The following AGBL3 variants were observed in gnomAD, a reference collection of about 807,000 sequenced individuals.
AGBL3 encodes AGBL carboxypeptidase 3, also known as cytosolic carboxypeptidase 3.
A neutral mutation model predicts 94.5 loss-of-function variants in AGBL3; 68 were observed. The ratio of observed to expected loss-of-function variants is 0.72; its 90% CI spans 0.59 to 0.88. The LOEUF is 0.88. Ranked by LOEUF, AGBL3 falls within the 40% of genes least tolerant of loss-of-function variation. AGBL3 has a pLI of 0.00. For missense variants in AGBL3, 934 were observed against 1,103.8 expected, an observed-to-expected ratio of 0.85 and a Z score of 2.18; for synonymous variants, 354 against 370.7, an observed-to-expected ratio of 0.95 and a Z score of 0.52.
At chr7:135,119,196 A>T (rs1826759398) in intron 16 of AGBL3, among the ~76,000 whole-genome samples, 1 of 152,018 alleles carries the variant, frequency 6.6e-6, no homozygotes, top group African/African-American at 2.4e-5. Flanking sequence ...AATAGGATAC[A>T]CCCAAAGAAA....
chr7:135,094,816 G>A (rs2116945806), intron 15 of AGBL3, among the ~76,000 whole-genome samples: 1 of 152,248 alleles, frequency 6.6e-6, no homozygotes, highest in South Asian at 2.1e-4. Flanking sequence ...TACATAAGTT[G>A]TTTGTCAGAT....
intron 15 of AGBL3, among the ~76,000 whole-genome samples, chr7:135,106,011 T>C (rs575476827): frequency 6.6e-6 from 1 of 152,274 alleles, no homozygotes; most frequent in African/African-American, 2.4e-5. Flanking sequence ...ATGAATGGGA[T>C]TGTGTTCCTG....
intron 11 of AGBL3, 151 bp from the exon 12 acceptor site, chr7:135,059,018 A>G: frequency 3.4e-6 from 2 of 592,986 alleles, no homozygotes; most frequent in Non-Finnish European, 5.8e-6. Flanking sequence ...TGGCCTCCCA[A>G]AGTACTCGGA....
At chr7:135,112,596 A>G (rs1825796637) in intron 15 of AGBL3, among the ~76,000 whole-genome samples, 1 of 152,112 alleles carries the variant, frequency 6.6e-6, no homozygotes, top group East Asian at 1.9e-4. Flanking sequence ...AAGTATGGCT[A>G]TAAGTATATG....
chr7:135,084,193 C>T (rs1821149227), intron 15 of AGBL3, among the ~76,000 whole-genome samples: 2 of 151,854 alleles, frequency 1.3e-5, no homozygotes, highest in East Asian at 1.9e-4. Flanking sequence ...GTCTATAACT[C>T]GAAATTTTTT....
intron 12 of AGBL3, among the ~76,000 whole-genome samples, chr7:135,076,013 G>A (rs762176902): frequency 1.3e-5 from 2 of 152,148 alleles, no homozygotes; most frequent in Non-Finnish European, 2.9e-5. Flanking sequence ...AAAAGGTTTT[G>A]GTCTCTTTAG....
chr7:135,113,643 CA>C (rs1825936910), intron 15 of AGBL3, among the ~76,000 whole-genome samples: 2 of 152,178 alleles, frequency 1.3e-5, no homozygotes, highest in South Asian at 4.1e-4. Flanking sequence ...ACCCACTTCC[CA>C]AGTATGTAGA....
intron 15 of AGBL3, among the ~76,000 whole-genome samples, chr7:135,096,580 GATAC>G (rs1341683132): frequency 2.5e-4 from 8 of 32,304 alleles, no homozygotes; most frequent in Admixed American, 7.0e-4. Context: ...TAGATAGATA[GATAC>G]ATAGATAGAT....
chr7:135,007,057 T>C (rs1812479671), intron 4 of AGBL3, among the ~76,000 whole-genome samples: 1 of 151,172 alleles, frequency 6.6e-6, no homozygotes, highest in Admixed American at 6.6e-5. Context: ...CTACAGAGAG[T>C]CGCTTAAACC....
intron 15 of AGBL3, among the ~76,000 whole-genome samples, chr7:135,110,720 G>A (rs1423454664): frequency 3.3e-5 from 5 of 152,144 alleles, no homozygotes; most frequent in Admixed American, 2.6e-4. Flanking sequence ...AAGGTGTTGT[G>A]TTCACTCACT....
rs1340270806 is a variant in AGBL3, at chr7:135,134,973, G to T, written c.2475G>T (p.Arg825Ser). ...SSEWVQSKPH[R>S]SLESLSPLKG... is the part of the protein sequence containing the mutation. ...AATGGGTCCAGTCTAAGCCCCACAG[G>T]TCATTGGAAAGTTTATCACCTCTCA... Residue 825 changes from arginine (R) to serine (S), a missense_variant, in exon 17 of 17, where the codon AGG becomes AGT. By Grantham distance (110) the Arg-to-Ser change is moderately radical. Transcript: ENST00000436302. 21 of 1,551,056 alleles carry T rather than the reference G, an allele frequency of 1.4e-5. No homozygotes were observed. The highest frequency in any genetic ancestry group is 1.7e-5 in the Non-Finnish European group (19 of 1,146,674).
At chr7:135,101,192 A>C in intron 15 of AGBL3, 1 of 456,254 alleles carries the variant, frequency 2.2e-6, no homozygotes, top group South Asian at 1.5e-5. Flanking sequence ...ATTTGTATGG[A>C]AACTGTTTCA....
Position 135,079,380 on chromosome 7 carries a change from T to C in AGBL3, c.1981-823T>C, listed in dbSNP as rs529381673. On this transcript the variant is annotated intron_variant, in intron 13 of 16. Transcript: ENST00000436302. The stretch of plus-strand genomic sequence containing the variant: ...TTTTCATACTGATTTTGCCCATTTT[T>C]TTGCTGCCAATCAATTATATATATG... 7.9e-5 allele frequency among the ~76,000 whole-genome samples: 12 copies of C among 152,322 alleles called. No individual in the cohort carries two copies. The South Asian group carries it at 2.1e-3, about 26-fold the overall frequency.
chr7:134,989,186 A>C, intron 2 of AGBL3, 64 bp from the exon 3 acceptor site: 1 of 1,237,912 alleles, frequency 8.1e-7, no homozygotes, highest in East Asian at 2.6e-5. Flanking sequence ...ATAGATGTAA[A>C]AAAATTCTGG....
intron 13 of AGBL3, among the ~76,000 whole-genome samples, chr7:135,076,780 A>G (rs1820490444): frequency 7.8e-6 from 1 of 127,412 alleles, no homozygotes; most frequent in Non-Finnish European, 1.8e-5. Context: ...CTGGGAATAT[A>G]AGGGTATAAA....
At chr7:135,041,138 G>T (rs1355711184) in intron 8 of AGBL3, among the ~76,000 whole-genome samples, 1 of 151,402 alleles carries the variant, frequency 6.6e-6, no homozygotes, top group Admixed American at 6.6e-5. Context: ...CCAAAGAAAT[G>T]GAGACAACGT....
At chr7:135,013,904 C>T (rs563037490) in intron 4 of AGBL3, among the ~76,000 whole-genome samples, 1 of 151,942 alleles carries the variant, frequency 6.6e-6, no homozygotes, top group East Asian at 1.9e-4. Flanking sequence ...AGATAAAAAC[C>T]AAAATGTTGG....
intron 11 of AGBL3, among the ~76,000 whole-genome samples, chr7:135,049,349 A>G (rs955818625): frequency 9.2e-5 from 14 of 151,924 alleles, no homozygotes; most frequent in Non-Finnish European, 2.1e-4. Context: ...GAATTTTTGT[A>G]TCTATGTTCA....
At chr7:135,083,256 A>G (rs1821069182) in intron 15 of AGBL3, among the ~76,000 whole-genome samples, 1 of 152,016 alleles carries the variant, frequency 6.6e-6, no homozygotes, top group Non-Finnish European at 1.5e-5. Context: ...TTCTAATTAC[A>G]CCCTTCATAC....
Sources: gnomAD v4.1 joint callset for allele counts (sites outside exome capture counted in the v4.1 genomes callset) on GRCh38, gnomAD v4.1.1 for gene constraint, MANE v1.5 for transcripts, NCBI Gene and HGNC (gene_info 2026-07-23, HGNC 2026-07-21) for gene names.